CYRIB: variants seen among roughly 807,000 people sequenced by gnomAD.
CYRIB encodes CYFIP-related Rac1 interactor B.
In CYRIB, 8 loss-of-function variants were observed where a neutral mutation model predicts 44.2. The ratio of observed to expected loss-of-function variants is 0.18; its 90% confidence interval spans 0.11 to 0.33. The LOEUF is 0.33. CYRIB is among the 10% of genes least tolerant of loss of function. The probability of loss-of-function intolerance (pLI) is 1.00; values close to 1 mark genes in which losing one functional copy is unlikely to be tolerated. For synonymous variants in CYRIB, 131 were observed against 127.2 expected, an observed-to-expected ratio of 1.03 and a Z score of -0.20; for missense variants, 185 against 382.8, an observed-to-expected ratio of 0.48 and a Z score of 4.31.
intron 1 of CYRIB, among the ~76,000 whole-genome samples, chr8:129,983,335 C>T (rs1032665826): frequency 2.6e-5 from 4 of 152,090 alleles, no homozygotes; most frequent in Non-Finnish European, 5.9e-5. Context: ...GTCCCAGCTA[C>T]TCGGGAGGCT....
intron 1 of CYRIB, among the ~76,000 whole-genome samples, chr8:130,001,980 G>A (rs2096918822): frequency 1.3e-5 from 2 of 152,166 alleles, no homozygotes. Flanking sequence ...TGTCTATGGT[G>A]GCTGTTCTAT....
At chr8:130,011,286 T>C (rs1472826685) in intron 1 of CYRIB, among the ~76,000 whole-genome samples, 23 of 149,762 alleles carry the variant, frequency 1.5e-4, no homozygotes, top group Middle Eastern at 3.6e-3. Flanking sequence ...ATTGGGAGGC[T>C]GAGGTGGGTA....
chr8:129,889,123 A>G (rs974787055), intron 2 of CYRIB, among the ~76,000 whole-genome samples: 12 of 152,060 alleles, frequency 7.9e-5, no homozygotes, highest in Admixed American at 7.9e-4. Context: ...TAGGACCCTT[A>G]AGAATTATAC....
At chr8:129,949,566 C>T (rs376636016) in intron 2 of CYRIB, among the ~76,000 whole-genome samples, 2 of 152,192 alleles carry the variant, frequency 1.3e-5, no homozygotes, top group East Asian at 1.9e-4. Flanking sequence ...GACCAAGCTC[C>T]ACCTGAAATA....
At chr8:129,940,133 A>T (rs1041174923), upstream of CYRIB, among the ~76,000 whole-genome samples, 3 of 152,162 alleles carry the variant, frequency 2.0e-5, no homozygotes, top group Admixed American at 2.0e-4. Context: ...TTCCAGATGT[A>T]CAGATGGGAA....
At chr8:130,016,503 C>CGCGGCG, upstream of CYRIB, 1 of 156,026 alleles carries the variant, frequency 6.4e-6, no homozygotes, top group Middle Eastern at 2.8e-3. Context: ...CTGCCCCCGC[C>CGCGGCG]GCGGCGGCAG....
At chr8:129,994,661 G>T (rs1005263632) in intron 1 of CYRIB, among the ~76,000 whole-genome samples, 3 of 152,236 alleles carry the variant, frequency 2.0e-5, no homozygotes, top group Admixed American at 6.5e-5. Context: ...CCTTGCTACA[G>T]CCTGGCGGTA....
At chr8:129,874,866 G>C (rs1250455769) in intron 3 of CYRIB, among the ~76,000 whole-genome samples, 2 of 152,060 alleles carry the variant, frequency 1.3e-5, no homozygotes, top group African/African-American at 4.8e-5. Flanking sequence ...AAATGATAAG[G>C]GGGAAACAAG....
intron 1 of CYRIB, among the ~76,000 whole-genome samples, chr8:129,918,365 A>G (rs566980036): frequency 6.6e-6 from 1 of 152,272 alleles, no homozygotes; most frequent in African/African-American, 2.4e-5. Flanking sequence ...TTTTTGTTCT[A>G]CCCGCACACT....
At chr8:129,973,575 AGTCCCAACCACCTCACGTGGACTCCT>A (rs2095801597) in intron 1 of CYRIB, among the ~76,000 whole-genome samples, 1 of 152,184 alleles carries the variant, frequency 6.6e-6, no homozygotes, top group Non-Finnish European at 1.5e-5. Flanking sequence ...GGACAAGGGG[AGTCCCAACCACCTCACGTGGACTCCT>A]GCTCCTTCCT....
chr8:130,000,234 A>T lies in CYRIB; in HGVS notation c.-296+16136T>A, dbSNP rs150051209. Among the ~76,000 whole-genome samples the T allele has an allele frequency of 2.5e-4, 38 of 152,266 alleles. 1 individual carries two copies. The highest frequency in any genetic ancestry group is 5.3e-4 in the Non-Finnish European group (36 of 68,020). ...GGACAAGAGAAAGGTGGGGTAAGGG[A>T]TAGAGACGGGGAAGACAATGAGCAA... On this transcript the variant is annotated intron_variant, in intron 1 of 14. Transcript: ENST00000401979.
chr8:129,898,850 T>A (rs1388626888), intron 2 of CYRIB, among the ~76,000 whole-genome samples: 1 of 152,112 alleles, frequency 6.6e-6, no homozygotes, highest in African/African-American at 2.4e-5. Context: ...TATAACTGAA[T>A]ATATACAGTT....
At chr8:129,933,670 A>C (rs893985824) in intron 1 of CYRIB, among the ~76,000 whole-genome samples, 2 of 152,034 alleles carry the variant, frequency 1.3e-5, no homozygotes, top group South Asian at 2.1e-4. Context: ...TTGAGGTCAG[A>C]AGTTCTGAGA....
chr8:129,966,302 A>G (rs1252697056), intron 2 of CYRIB, among the ~76,000 whole-genome samples: 1 of 152,258 alleles, frequency 6.6e-6, no homozygotes, highest in African/African-American at 2.4e-5. Flanking sequence ...TCCTTGAAGC[A>G]GAATTGCAGG....
intron 4 of CYRIB, among the ~76,000 whole-genome samples, chr8:129,867,426 T>C (rs1021482561): frequency 6.6e-6 from 1 of 151,838 alleles, no homozygotes; most frequent in Admixed American, 6.6e-5. Context: ...AATTTGGCTA[T>C]TTATTTTTTT....
intron 1 of CYRIB, among the ~76,000 whole-genome samples, chr8:129,932,328 T>C (rs920143240): frequency 1.3e-5 from 2 of 152,186 alleles, no homozygotes; most frequent in Non-Finnish European, 2.9e-5. Context: ...GAAATAAAGA[T>C]AGTATCTCCT....
intron 3 of CYRIB, among the ~76,000 whole-genome samples, chr8:129,876,797 TAATC>T (rs950934371): frequency 2.7e-4 from 41 of 149,306 alleles, no homozygotes; most frequent in African/African-American, 9.4e-4. Flanking sequence ...GGGATAGACT[TAATC>T]AATCAGATTA....
intron 1 of CYRIB, among the ~76,000 whole-genome samples, chr8:129,936,867 C>T (rs955901013): frequency 6.2e-4 from 95 of 152,098 alleles, no homozygotes; most frequent in Middle Eastern, 3.4e-3. Flanking sequence ...CCACCACGCC[C>T]GGCTAATTTT....
intron 2 of CYRIB, among the ~76,000 whole-genome samples, chr8:129,954,133 A>T (rs2094654330): frequency 6.6e-6 from 1 of 152,206 alleles, no homozygotes; most frequent in South Asian, 2.1e-4. Context: ...AAAGGGGAGA[A>T]TGTTACCTTG....
Sources: allele counts gnomAD v4.1 joint callset (sites outside exome capture counted in the v4.1 genomes callset), GRCh38; gene constraint gnomAD v4.1.1; transcripts MANE v1.5; gene names NCBI Gene and HGNC (gene_info 2026-07-23, HGNC 2026-07-21).